Variants in CD4 observed in about 807,000 individuals in gnomAD.
The protein encoded by CD4 is T-cell surface glycoprotein CD4.
In CD4, 25 loss-of-function variants were observed where a neutral mutation model predicts 50.5. That is an observed-to-expected ratio of 0.49 (90% CI 0.36 to 0.69). The LOEUF (loss-of-function observed/expected upper bound fraction) is 0.69, where lower values mean the gene tolerates loss of function less well. CD4 is among the 30% of genes least tolerant of loss of function. CD4 has a pLI of 0.00. For missense variants in CD4, 456 were observed against 548.5 expected (o/e 0.83, Z 1.68); for synonymous variants, 207 against 221.9 (o/e 0.93, Z 0.60).
intron 1 of CD4, among the ~76,000 whole-genome samples, chr12:6,791,881 A>G (rs1228453728): frequency 6.6e-6 from 1 of 152,150 alleles, no homozygotes; most frequent in African/African-American, 2.4e-5. Flanking sequence ...CCCTGTCTCA[A>G]AATAACTTTG....
At chr12:6,803,008 C>A (rs374324518) in intron 3 of CD4, among the ~76,000 whole-genome samples, 4 of 152,172 alleles carry the variant, frequency 2.6e-5, no homozygotes, top group African/African-American at 9.7e-5. Context: ...GCTGGGAGTA[C>A]AGGTGTGAGC....
At chr12:6,791,207 G>A (rs28989528) in intron 1 of CD4, among the ~76,000 whole-genome samples, 80 of 152,334 alleles carry the variant, frequency 5.3e-4, no homozygotes, top group African/African-American at 1.6e-3. Context: ...GTGGTGCTGA[G>A]GGCAATTGGC....
chr12:6,795,849 G>A (rs957830224), intron 1 of CD4, among the ~76,000 whole-genome samples: 1 of 152,128 alleles, frequency 6.6e-6, no homozygotes, highest in African/African-American at 2.4e-5. Flanking sequence ...GGCCAGCCCC[G>A]ACTGGTGCTG....
rs1378621743 is a variant in CD4 at position 6,814,224 on chromosome 12, T to G, written c.297T>G (p.Leu99=). 3 of 1,613,978 alleles carry G rather than the reference T, an allele frequency of 1.9e-6. No homozygotes were observed. The highest frequency in any genetic ancestry group is 2.5e-6 in the Non-Finnish European group (3 of 1,179,982). The change falls in exon 4 of 10, where the codon CTT becomes CTG. Residue 99 remains leucine (L), a synonymous_variant. Coordinates refer to ENST00000011653, the MANE Select transcript of CD4 (RefSeq NM_000616.5). Reference sequence around the variant, plus strand: ...ACTTTCCCCTGATCATCAAGAATCTTAAGATAGAAGACTCAGATACTTACA... The same window carrying G: ...ACTTTCCCCTGATCATCAAGAATCTGAAGATAGAAGACTCAGATACTTACA... ...QGNFPLIIKN[L]KIEDSDTYIC... is the part of the protein sequence containing the mutation.
At position 6,801,801 on chromosome 12, in the gene CD4, T is replaced by C. The variant is rs1942567510; in HGVS notation, c.214+1330T>C. Among the ~76,000 whole-genome samples the C allele has an allele frequency of 6.6e-5, 10 of 150,904 alleles. No individual in the cohort carries two copies. In the South Asian group the frequency reaches 2.1e-3, roughly 32 times the overall value. On this transcript the variant is annotated intron_variant, in intron 3 of 9. Coordinates refer to ENST00000011653, the MANE Select transcript of CD4 (RefSeq NM_000616.5). The stretch of plus-strand genomic sequence containing the variant: ...GGTCTTGATCTCCTGACCTCGTGAT[T>C]TACCCTCCTTGGCCTCCCAAAGTGC...
Position 6,818,848 on chromosome 12 carries a change from G to A in CD4, c.1280G>A (p.Arg427His), listed in dbSNP as rs782149774. 6.2e-6 allele frequency: 10 copies of A among 1,613,248 alleles called. No individual in the cohort carries two copies. The highest frequency in any genetic ancestry group is 2.2e-5 in the East Asian group (1 of 44,832). Residue 427 changes from arginine to histidine, a missense_variant and splice_region_variant, in exon 9 of 10, where the codon CGC becomes CAC. By Grantham distance (29) the Arg-to-His change is conservative. Transcript: ENST00000011653. The surrounding 1 kb of genome is among the most constrained non-coding windows in gnomAD (Gnocchi z 5.0). Reference protein sequence around the residue: ...FFCVRCRHRRRQAERMSQIKR... With the variant: ...FFCVRCRHRRHQAERMSQIKR... The stretch of plus-strand genomic sequence containing the variant: ...ACTCCCTTTCTTGTCCCTGGACAGC[G>A]CCAAGCAGAGCGGATGTCTCAGATC...
intron 1 of CD4, among the ~76,000 whole-genome samples, chr12:6,794,501 A>G (rs1440282568): frequency 6.6e-6 from 1 of 150,930 alleles, no homozygotes; most frequent in African/African-American, 2.4e-5. Flanking sequence ...CCTCCCAAGT[A>G]GCTGAGATTA....
rs1555118555 is a variant in CD4 at position 6,818,876 on chromosome 12, G to A, written c.1308G>A (p.Lys436=). The change falls in exon 9 of 10, where the codon AAG becomes AAA. Residue 436 remains lysine (K), a synonymous_variant. Transcript: ENST00000011653. The surrounding 1 kb of genome is among the most constrained non-coding windows in gnomAD (Gnocchi z 5.0). The part of the protein sequence containing the change: ...RRQAERMSQI[K]RLLSEKKTCQ... ...AAGCAGAGCGGATGTCTCAGATCAA[G>A]AGACTCCTCAGTGAGAAGAAGACCT... 10 of 1,605,182 alleles carry A rather than the reference G, an allele frequency of 6.2e-6. 1 individual carries two copies. In the South Asian group the frequency reaches 9.9e-5, roughly 16 times the overall value.
chr12:6,796,524 T>A (rs11575090), intron 1 of CD4, among the ~76,000 whole-genome samples: 2,095 of 152,248 alleles, frequency 0.014, 50 homozygotes, highest in African/African-American at 0.047. Flanking sequence ...GCTCCAGCCT[T>A]CCTTTGAGGT....
rs781952168 is a variant in CD4 at position 6,816,342 on chromosome 12, C to T, written c.894C>T (p.Thr298=). 1.2e-6 allele frequency: 2 copies of T among 1,614,242 alleles called. No homozygotes were observed. Among genetic ancestry groups the T allele is most frequent in the Admixed American group, 3.3e-5 (2 of 60,026 alleles). The part of the protein sequence containing the change: ...LPQYAGSGNL[T]LALEAKTGKL... ...AGTATGCTGGCTCTGGAAACCTCAC[C>T]CTGGCCCTTGAAGCGAAAACAGGAA... is the stretch of plus-strand genomic sequence containing the variant. The change falls in exon 6 of 10, where the codon ACC becomes ACT. Residue 298 remains threonine, a synonymous_variant. Coordinates refer to ENST00000011653, the MANE Select transcript of CD4 (RefSeq NM_000616.5). The surrounding 1 kb of genome is among the most constrained non-coding windows in gnomAD (Gnocchi z 4.9).
intron 1 of CD4, among the ~76,000 whole-genome samples, chr12:6,798,530 T>C (rs1942447434): frequency 6.6e-6 from 1 of 152,200 alleles, no homozygotes; most frequent in South Asian, 2.1e-4. Context: ...GGACATGTTT[T>C]TGTGAGCACA....
At chr12:6,795,443 G>A (rs1302036085) in intron 1 of CD4, among the ~76,000 whole-genome samples, 3 of 152,292 alleles carry the variant, frequency 2.0e-5, no homozygotes, top group African/African-American at 7.2e-5. Context: ...ACCACCGTAA[G>A]AGGACCAAGC....
At chr12:6,804,421 A>G (rs1276185160) in intron 3 of CD4, among the ~76,000 whole-genome samples, 7 of 152,242 alleles carry the variant, frequency 4.6e-5, no homozygotes, top group African/African-American at 7.2e-5. Flanking sequence ...ACATGATTAC[A>G]TAGAAAATCT....
At chr12:6,801,766 T>C (rs1452981823) in intron 3 of CD4, among the ~76,000 whole-genome samples, 14 of 150,232 alleles carry the variant, frequency 9.3e-5, no homozygotes, top group African/African-American at 3.4e-4. Context: ...TTCACGGTGT[T>C]AGCCAGGCTG....
At chr12:6,799,485 G>C (rs1942471196) in intron 1 of CD4, 1 of 152,334 alleles carries the variant, frequency 6.6e-6, no homozygotes, top group African/African-American at 2.4e-5. Context: ...TACTATACGG[G>C]GTCATTTTGA....
rs1472183019 is a variant in CD4 at position 6,792,144 on chromosome 12, C to T, written c.-68+2482C>T. Among the ~76,000 whole-genome samples, 2 of 152,094 alleles carry T rather than the reference C, an allele frequency of 1.3e-5. No homozygotes were observed. The highest frequency in any genetic ancestry group is 2.9e-5 in the Non-Finnish European group (2 of 68,014). On this transcript the variant is annotated intron_variant, in intron 1 of 9. Transcript: ENST00000011653. This position sits in a 1 kb window ranked among gnomAD's most constrained non-coding sequence, Gnocchi z 4.1. The stretch of plus-strand genomic sequence containing the variant: ...AGTAGAGAGGGTGAACGCGGTGGGG[C>T]ACATCCCGCGGCTGGGCTTGAGTGG...
intron 3 of CD4, chr12:6,813,912 T>C: frequency 2.4e-6 from 1 of 412,462 alleles, no homozygotes; most frequent in Non-Finnish European, 4.4e-6. Context: ...TAGGAGTTGG[T>C]GCTCTCCAAA....
chr12:6,791,370 G>C (rs955257096), intron 1 of CD4, among the ~76,000 whole-genome samples: 7 of 152,224 alleles, frequency 4.6e-5, no homozygotes, highest in African/African-American at 1.7e-4. Flanking sequence ...AGCCTCTTGA[G>C]TAGCTGGGAT....
Position 6,800,056 on chromosome 12 carries a change from T to A in CD4, c.-67-16T>A. On this transcript the variant is annotated splice_polypyrimidine_tract_variant and intron_variant, in intron 1 of 9. Transcript: ENST00000011653. The stretch of plus-strand genomic sequence containing the variant: ...CCAGTAAATGTTTGCTGACTAATGA[T>A]TGGCATTTCCCTCAGGCCCTGCCAT... The A allele has an allele frequency of 8.2e-6, 10 of 1,216,170 alleles. No individual in the cohort carries two copies. The South Asian group carries it at 1.2e-4, about 15-fold the overall frequency. 75.3% of individuals were successfully genotyped at this position (1,216,170 alleles called of 1,614,324 possible).
Sources: gnomAD v4.1 joint callset for allele counts (sites outside exome capture counted in the v4.1 genomes callset) on GRCh38, gnomAD v4.1.1 for gene constraint, Gnocchi (gnomAD v3.1) non-coding constraint, MANE v1.5 for transcripts, NCBI Gene and HGNC (gene_info 2026-07-23, HGNC 2026-07-21) for gene names.